Variants in GRID2 observed in about 807,000 individuals in gnomAD.
The protein encoded by GRID2 is glutamate receptor ionotropic, delta-2.
A neutral mutation model predicts 114.8 loss-of-function variants in GRID2; 33 were observed. The ratio of observed to expected loss-of-function variants is 0.29; its 90% CI spans 0.22 to 0.38. The LOEUF is 0.38. GRID2 is among the 10% of genes least tolerant of loss of function. The pLI is 1.00. For synonymous variants in GRID2, 505 were observed against 449.9 expected (o/e 1.12, Z -1.55); for missense variants, 1,184 against 1,257.7 (o/e 0.94, Z 0.89).
At chr4:93,780,696 A>C (rs979580526) in intron 1 of GRID2, among the ~76,000 whole-genome samples, 1 of 152,196 alleles carries the variant, frequency 6.6e-6, no homozygotes, top group Non-Finnish European at 1.5e-5. Flanking sequence ...GAACCATCAG[A>C]GAGGTACTGA....
intron 4 of GRID2, among the ~76,000 whole-genome samples, chr4:93,160,578 C>T (rs752268201): frequency 1.1e-4 from 17 of 151,744 alleles, no homozygotes; most frequent in Non-Finnish European, 1.6e-4. Context: ...CCTTTCCCCT[C>T]TCCTCTGCGA....
chr4:93,379,126 A>G (rs1299611260), intron 8 of GRID2, among the ~76,000 whole-genome samples: 14 of 152,078 alleles, frequency 9.2e-5, no homozygotes, highest in Admixed American at 8.5e-4. Flanking sequence ...ACTCTATGAA[A>G]AAGAATTGTG....
At chr4:92,549,130 A>T (rs1034557679) in intron 1 of GRID2, among the ~76,000 whole-genome samples, 1 of 152,034 alleles carries the variant, frequency 6.6e-6, no homozygotes, top group African/African-American at 2.4e-5. Flanking sequence ...CGCAAAAAAA[A>T]AAAAAAAAAT....
chr4:93,152,012 TCA>T (rs1174894016), intron 4 of GRID2, among the ~76,000 whole-genome samples: 1 of 152,130 alleles, frequency 6.6e-6, no homozygotes, highest in Non-Finnish European at 1.5e-5. Flanking sequence ...TGTTCTAGTT[TCA>T]CGTGGTAAAA....
At chr4:92,965,450 T>A (rs1352608579) in intron 2 of GRID2, among the ~76,000 whole-genome samples, 2 of 85,758 alleles carry the variant, frequency 2.3e-5, no homozygotes, top group Non-Finnish European at 4.8e-5. Context: ...ATTCAATTTG[T>A]AAAAAAAAAA....
chr4:93,003,912 A>T (rs142000210), intron 2 of GRID2, among the ~76,000 whole-genome samples: 296 of 152,088 alleles, frequency 1.9e-3, no homozygotes, highest in African/African-American at 5.7e-3. Flanking sequence ...CTGAAAACTA[A>T]AAGTGTGTTG....
At chr4:92,665,894 T>C (rs892938117) in intron 2 of GRID2, among the ~76,000 whole-genome samples, 1 of 151,442 alleles carries the variant, frequency 6.6e-6, no homozygotes, top group Non-Finnish European at 1.5e-5. Flanking sequence ...TGTGTCTCAG[T>C]GTGTGTATCT....
chr4:93,042,275 T>TCTTTC (rs1725607777), intron 2 of GRID2, among the ~76,000 whole-genome samples: 4 of 125,628 alleles, frequency 3.2e-5, no homozygotes, highest in Non-Finnish European at 6.4e-5. Context: ...CTCTCTCTCT[T>TCTTTC]TCTCTCTCTC....
intron 2 of GRID2, among the ~76,000 whole-genome samples, chr4:92,794,899 T>TACACACAC (rs1159599176): frequency 1.5e-5 from 2 of 136,712 alleles, no homozygotes; most frequent in African/African-American, 5.4e-5. Flanking sequence ...TATATATATA[T>TACACACAC]ATATATACAC....
intron 8 of GRID2, among the ~76,000 whole-genome samples, chr4:93,340,735 A>G (rs1433664): frequency 0.25 from 38,398 of 152,078 alleles, 8,145 homozygotes; most frequent in African/African-American, 0.58. Flanking sequence ...TGTCCCGAAG[A>G]TGAAAGAGTT....
chr4:92,585,161 C>A (rs1421127174), intron 1 of GRID2, among the ~76,000 whole-genome samples: 1 of 151,448 alleles, frequency 6.6e-6, no homozygotes, highest in Non-Finnish European at 1.5e-5. Context: ...GGATGAATGG[C>A]TGGATGCATG....
intron 4 of GRID2, among the ~76,000 whole-genome samples, chr4:93,170,135 T>G (rs1010899290): frequency 6.6e-6 from 1 of 152,068 alleles, no homozygotes; most frequent in African/African-American, 2.4e-5. Context: ...CAGACTGGAG[T>G]GCAGTGGGCG....
chr4:92,782,086 T>C (rs545134992), intron 2 of GRID2, among the ~76,000 whole-genome samples: 2 of 152,162 alleles, frequency 1.3e-5, no homozygotes, highest in East Asian at 1.9e-4. Flanking sequence ...AACAGAAAAG[T>C]CAAGTTTTTC....
intron 1 of GRID2, among the ~76,000 whole-genome samples, chr4:92,410,086 A>G (rs1345913071): frequency 6.6e-6 from 1 of 152,204 alleles, no homozygotes; most frequent in Non-Finnish European, 1.5e-5. Flanking sequence ...TTTCAAGGCT[A>G]TGCTACTTGT....
At chr4:93,120,410 C>A (rs1733671447) in intron 4 of GRID2, among the ~76,000 whole-genome samples, 1 of 152,138 alleles carries the variant, frequency 6.6e-6, no homozygotes, top group African/African-American at 2.4e-5. Flanking sequence ...GAATACTATG[C>A]AGCCATAAAA....
intron 13 of GRID2, among the ~76,000 whole-genome samples, chr4:93,583,747 T>C (rs1052072853): frequency 7.2e-5 from 11 of 152,152 alleles, no homozygotes; most frequent in Non-Finnish European, 4.4e-5. Flanking sequence ...CCAAGGCCGT[T>C]CCTCAGACAC....
chr4:93,091,857 C>T (rs767356957), intron 3 of GRID2, among the ~76,000 whole-genome samples: 2 of 152,028 alleles, frequency 1.3e-5, no homozygotes, highest in South Asian at 2.1e-4. Flanking sequence ...CCATAAGCTC[C>T]GTTTAGGCAA....
At chr4:93,284,492 C>G (rs1193175178) in intron 8 of GRID2, among the ~76,000 whole-genome samples, 1 of 151,640 alleles carries the variant, frequency 6.6e-6, no homozygotes, top group Non-Finnish European at 1.5e-5. Flanking sequence ...TGCACATGTA[C>G]CCCTGAACTT....
intron 4 of GRID2, among the ~76,000 whole-genome samples, chr4:93,173,750 C>T (rs960283351): frequency 1.3e-5 from 2 of 152,100 alleles, no homozygotes; most frequent in Admixed American, 1.3e-4. Context: ...CAACCTCATC[C>T]TCCCAAGCAG....
Sources: allele counts gnomAD v4.1 joint callset (sites outside exome capture counted in the v4.1 genomes callset), GRCh38; gene constraint gnomAD v4.1.1; transcripts MANE v1.5; gene names NCBI Gene and HGNC (gene_info 2026-07-23, HGNC 2026-07-21).